AHNAK: variants seen among roughly 807,000 people sequenced by gnomAD.
AHNAK encodes neuroblast differentiation-associated protein AHNAK.
In AHNAK, 23 loss-of-function variants were observed where a neutral mutation model predicts 37.8. The ratio of observed to expected loss-of-function variants is 0.61; its 90% CI spans 0.44 to 0.86. AHNAK has a LOEUF of 0.86. AHNAK is among the 40% of genes least tolerant of loss of function. The pLI is 0.00. For synonymous variants in AHNAK, 2,481 were observed against 2,636.3 expected (o/e 0.94, Z 1.80); for missense variants, 7,411 against 7,319.4 (o/e 1.01, Z -0.46).
intron 1 of AHNAK, among the ~76,000 whole-genome samples, chr11:62,542,922 G>A (rs1192925757): frequency 1.3e-5 from 2 of 152,166 alleles, no homozygotes; most frequent in Non-Finnish European, 2.9e-5. Flanking sequence ...TGGGGAGGGC[G>A]CTGCTTGCTC....
rs58443970 is a variant in AHNAK, at chr11:62,460,987, ATTTTTT to A, written c.443-27102_443-27097del. On this transcript the variant is annotated intron_variant, in intron 5 of 5. Coordinates refer to the AHNAK transcript ENST00000257247. ...AGGCGCCTGCCACCAGGCCTGGCTAATTTTTTTTTTTTTTTTTTTTTTGTATTTTAG... is the reference window on the plus strand; with the variant it reads ...AGGCGCCTGCCACCAGGCCTGGCTAATTTTTTTTTTTTTTTTGTATTTTAG... Among the ~76,000 whole-genome samples, 454 of 103,632 alleles carry A rather than the reference ATTTTTT, an allele frequency of 4.4e-3. 5 individuals carry two copies. The highest frequency in any genetic ancestry group is 0.016 in the African/African-American group (422 of 26,108). 68.0% of individuals were successfully genotyped at this position (103,632 alleles called of 152,430 possible).
At chr11:62,436,856 G>A (rs756997029) in intron 5 of AHNAK, among the ~76,000 whole-genome samples, 1 of 151,796 alleles carries the variant, frequency 6.6e-6, no homozygotes, top group Non-Finnish European at 1.5e-5. Flanking sequence ...GGAGAATGGC[G>A]TGAACCCAGG....
chr11:62,449,765 A>G (rs1938494549), intron 5 of AHNAK, among the ~76,000 whole-genome samples: 1 of 152,212 alleles, frequency 6.6e-6, no homozygotes, highest in Admixed American at 6.5e-5. Flanking sequence ...CGGCTCCACT[A>G]TGTGACTGGG....
intron 4 of AHNAK, among the ~76,000 whole-genome samples, chr11:62,498,618 AT>A (rs1021844101): frequency 2.7e-5 from 4 of 150,200 alleles, no homozygotes; most frequent in African/African-American, 7.3e-5. Flanking sequence ...AAAAAAAGAA[AT>A]TTTTTTTTAT....
At position 62,533,289 on chromosome 11, in the gene AHNAK, A is replaced by T. The variant is rs2134244697; in HGVS notation, c.1128T>A (p.Thr376=). The T allele has an allele frequency of 6.5e-7, 1 of 1,529,302 alleles. No individual in the cohort carries two copies. The highest frequency in any genetic ancestry group is 1.3e-5 in the South Asian group (1 of 75,686). The allele number at this position is 1,529,302 out of a possible 1,614,324, so 94.7% of individuals were successfully genotyped here. The change falls in exon 5 of 5, where the codon ACT becomes ACA. Residue 376 remains threonine, a synonymous_variant. Coordinates refer to ENST00000378024, the MANE Select transcript of AHNAK (RefSeq NM_001620.3). Reference sequence around the variant, plus strand: ...CTAGGTCACCCTCAAGTGATGGCCCAGTGATTTGGGGGCCCTTCAGCTTCC... The same window carrying T: ...CTAGGTCACCCTCAAGTGATGGCCCTGTGATTTGGGGGCCCTTCAGCTTCC... The part of the protein sequence containing the change: ...LEGKLKGPQI[T]GPSLEGDLGL...
chr11:62,433,848 A>G, exon 6 of AHNAK: 1 of 1,613,776 alleles, frequency 6.2e-7, no homozygotes, highest in East Asian at 2.2e-5. Flanking sequence ...TCACAAAAAC[A>G]ACCTTAAGAG....
chr11:62,513,903 G>A (rs1298057414), downstream of AHNAK, among the ~76,000 whole-genome samples: 1 of 152,078 alleles, frequency 6.6e-6, no homozygotes, highest in Non-Finnish European at 1.5e-5. Context: ...GATTTCCACG[G>A]GTTTATTGCC....
chr11:62,454,930 ATT>A (rs67424324), intron 5 of AHNAK, among the ~76,000 whole-genome samples: 16,562 of 134,570 alleles, frequency 0.12, 1,051 homozygotes, highest in Middle Eastern at 0.2. Context: ...TTATTTATTT[ATT>A]TTTTTTTTTT....
At chr11:62,489,201 A>C (rs1261052319) in intron 5 of AHNAK, among the ~76,000 whole-genome samples, 2 of 151,310 alleles carry the variant, frequency 1.3e-5, no homozygotes, top group Non-Finnish European at 2.9e-5. Flanking sequence ...ATATCACGCC[A>C]CTGCATTCCA....
chr11:62,526,178 T>C lies in AHNAK; in HGVS notation c.8239A>G (p.Lys2747Glu). The C allele has an allele frequency of 6.2e-6, 10 of 1,613,922 alleles. No homozygotes were observed. Among genetic ancestry groups the C allele is most frequent in the South Asian group, 1.1e-5 (1 of 91,064 alleles). Residue 2747 changes from lysine (K) to glutamate (E), a missense_variant, in exon 5 of 5, where the codon AAA becomes GAA. Transcript: ENST00000378024. ...KGPEVDIKGP[K>E]VDIDAPDVDV... ...ACATCAGGTGCGTCAATGTCCACTT[T>C]TGGGCCCTTGATGTCAACTTCTGGG...
Position 62,518,356 on chromosome 11 carries a change from G to A in AHNAK, c.16061C>T (p.Thr5354Ile), listed in dbSNP as rs1171579967. The change falls in exon 5 of 5, where the codon ACA (threonine) becomes ATA (isoleucine). Residue 5354 changes from threonine (T) to isoleucine (I), a missense_variant. By Grantham distance (89) the Thr-to-Ile change is moderately conservative. Coordinates refer to ENST00000378024, the MANE Select transcript of AHNAK (RefSeq NM_001620.3). ...GVKVPGIDAT[T>I]KLNVGAPDVT... ...ATCTGGTGCCCCAACGTTAAGCTTTGTTGTGGCATCGATCCCTGGCACTTT... is the reference window on the plus strand; with the variant it reads ...ATCTGGTGCCCCAACGTTAAGCTTTATTGTGGCATCGATCCCTGGCACTTT... 2.5e-6 allele frequency: 4 copies of A among 1,614,136 alleles called. No homozygotes were observed.
chr11:62,530,925 G>C lies in AHNAK; in HGVS notation c.3492C>G (p.Ile1164Met). ...CTTCGAGGCTCACATCTGGGGCTTC[G>C]ATGTCCACCTTGGGTCCTGAGACAA... ...DVVVSGPKVD[I>M]EAPDVSLEGP... The change falls in exon 5 of 5, where the codon ATC (isoleucine) becomes ATG (methionine). Residue 1164 changes from isoleucine (I) to methionine (M), a missense_variant. By Grantham distance (10) the Ile-to-Met change is conservative (BLOSUM62 1). Coordinates refer to ENST00000378024, the MANE Select transcript of AHNAK (RefSeq NM_001620.3). 1.2e-6 allele frequency: 2 copies of C among 1,610,424 alleles called. No homozygotes were observed. Among genetic ancestry groups the C allele is most frequent in the Non-Finnish European group, 1.7e-6 (2 of 1,178,936 alleles).
chr11:62,528,021 T>G lies in AHNAK; in HGVS notation c.6396A>C (p.Lys2132Asn). ...TTGGCAAAGACACATCCACATCCCC[T>G]TTGACTTTGGGGCCTTTCAAGTGTA... is the stretch of plus-strand genomic sequence containing the variant. ...VDLHLKGPKV[K>N]GDVDVSLPKL... is the part of the protein sequence containing the mutation. Residue 2132 changes from lysine to asparagine, a missense_variant, in exon 5 of 5, where the codon AAA (lysine) becomes AAC (asparagine). Physicochemically the swap from Lys to Asn is moderately conservative, Grantham distance 94. Coordinates refer to ENST00000378024, the MANE Select transcript of AHNAK (RefSeq NM_001620.3). The G allele has an allele frequency of 5.0e-6, 8 of 1,613,910 alleles. No individual in the cohort carries two copies. The highest frequency in any genetic ancestry group is 6.8e-6 in the Non-Finnish European group (8 of 1,179,980).
chr11:62,526,360 G>A lies in AHNAK; in HGVS notation c.8057C>T (p.Pro2686Leu). 6.2e-7 allele frequency: 1 copy of A among 1,610,778 alleles called. No homozygotes were observed. Among genetic ancestry groups the A allele is most frequent in the East Asian group, 2.2e-5 (1 of 44,670 alleles). Reference protein sequence around the residue: ...IEGPDVNIEGPEGKLKGPKFK... With the variant: ...IEGPDVNIEGLEGKLKGPKFK... ...CTTAGGCCCTTTCAACTTTCCCTCTGGTCCTTCAATGTTAACATCAGGGCC... is the reference window on the plus strand; with the variant it reads ...CTTAGGCCCTTTCAACTTTCCCTCTAGTCCTTCAATGTTAACATCAGGGCC... Residue 2686 changes from proline to leucine, a missense_variant, in exon 5 of 5, where the codon CCA becomes CTA. By Grantham distance (98) the Pro-to-Leu change is moderately conservative. Coordinates refer to ENST00000378024, the MANE Select transcript of AHNAK (RefSeq NM_001620.3).
At chr11:62,468,500 T>C (rs1485525838) in intron 5 of AHNAK, among the ~76,000 whole-genome samples, 2 of 152,174 alleles carry the variant, frequency 1.3e-5, no homozygotes, top group Admixed American at 1.3e-4. Flanking sequence ...TGGTTTGGAC[T>C]GAGCTCCTGC....
chr11:62,440,238 T>G (rs1938274625), intron 5 of AHNAK, among the ~76,000 whole-genome samples: 1 of 152,070 alleles, frequency 6.6e-6, no homozygotes, highest in Non-Finnish European at 1.5e-5. Context: ...TATGATCTAG[T>G]GCAACCCCCT....
In AHNAK at chr11:62,533,924, T is replaced by A; in HGVS notation, c.493A>T (p.Thr165Ser). 1.9e-6 allele frequency: 3 copies of A among 1,614,168 alleles called. No homozygotes were observed. Among genetic ancestry groups the A allele is most frequent in the Non-Finnish European group, 2.5e-6 (3 of 1,180,030 alleles). Residue 165 changes from threonine (T) to serine (S), a missense_variant, in exon 5 of 5, where the codon ACT becomes TCT. By Grantham distance (58) the Thr-to-Ser change is moderately conservative. Coordinates refer to ENST00000378024, the MANE Select transcript of AHNAK (RefSeq NM_001620.3). ...RRVTAYTVDV[T>S]GREGAKDIDI... ...ATGTCCTTGGCTCCTTCCCGGCCAG[T>A]CACATCCACAGTGTAGGCCGTGACC...
chr11:62,486,669 C>T lies in AHNAK; in HGVS notation c.442+5063G>A, dbSNP rs935567282. The stretch of plus-strand genomic sequence containing the variant: ...GAGCTGCACAGTGGAGATGGTTCCA[C>T]CGTAATGTAGATGTACTGTATACCA... On this transcript the variant is annotated intron_variant, in intron 5 of 5. Transcript: ENST00000257247. Among the ~76,000 whole-genome samples the T allele has an allele frequency of 2.0e-5, 3 of 152,008 alleles. No homozygotes were observed. In the South Asian group the frequency reaches 6.2e-4, roughly 32 times the overall value.
chr11:62,531,115 A>G lies in AHNAK; in HGVS notation c.3302T>C (p.Val1101Ala), dbSNP rs766601631. The change falls in exon 5 of 5, where the codon GTG (valine) becomes GCG (alanine). Residue 1101 changes from valine to alanine, a missense_variant. Physicochemically the swap from Val to Ala is moderately conservative, Grantham distance 64. Coordinates refer to ENST00000378024, the MANE Select transcript of AHNAK (RefSeq NM_001620.3). ...KIEGEMQVPD[V>A]DIRGPKVDIK... ...ATCTACCTTGGGACCTCTGATGTCC[A>G]CATCTGGAACCTGCATTTCACCCTC... 4.3e-6 allele frequency: 7 copies of G among 1,613,992 alleles called. No individual in the cohort carries two copies. In the Admixed American group the frequency reaches 5.0e-5, roughly 12 times the overall value.
Sources: gnomAD v4.1 joint callset for allele counts (sites outside exome capture counted in the v4.1 genomes callset) on GRCh38, gnomAD v4.1.1 for gene constraint, MANE v1.5 for transcripts, NCBI Gene and HGNC (gene_info 2026-07-23, HGNC 2026-07-21) for gene names.